CTHRC1: variants seen among roughly 807,000 people sequenced by gnomAD.
CTHRC1 encodes the protein collagen triple helix repeat-containing protein 1.
Under a neutral mutation model 25.9 loss-of-function variants are expected in CTHRC1, and 21 were observed. That is an observed-to-expected ratio of 0.81 (90% CI 0.57 to 1.17). The LOEUF is 1.17. CTHRC1 is among the 50% of genes most tolerant of loss of function. The probability of loss-of-function intolerance (pLI) is 0.00; values close to 1 mark genes in which losing one functional copy is unlikely to be tolerated. For missense variants in CTHRC1, 281 were observed against 304.3 expected (o/e 0.92, Z 0.57); for synonymous variants, 109 against 113.1 (o/e 0.96, Z 0.23).
intron 3 of CTHRC1, among the ~76,000 whole-genome samples, chr8:103,380,515 A>T (rs1815887921): frequency 6.6e-6 from 1 of 152,252 alleles, no homozygotes; most frequent in South Asian, 2.1e-4. Flanking sequence ...AAGCCTTGAT[A>T]TGCCCATGGG....
intron 3 of CTHRC1, 89 bp from the exon 4 acceptor site, chr8:103,382,369 C>A: frequency 7.3e-7 from 1 of 1,375,194 alleles, no homozygotes; most frequent in Non-Finnish European, 1.0e-6. Flanking sequence ...AACAGAATTA[C>A]AAACTAGCTT....
intron 1 of CTHRC1, among the ~76,000 whole-genome samples, 169 bp downstream of exon 1, chr8:103,371,975 G>A (rs963532837): frequency 6.6e-6 from 1 of 152,246 alleles, no homozygotes; most frequent in African/African-American, 2.4e-5. Context: ...AGGTGAAGAA[G>A]GACCTGGTTA....
rs146824354 is a variant in CTHRC1 at position 103,377,716 on chromosome 8, G to A, written c.373-311G>A. On this transcript the variant is annotated intron_variant, in intron 2 of 3. Coordinates refer to ENST00000330295, the MANE Select transcript of CTHRC1 (RefSeq NM_138455.4). ...CCTCTTGGGTTCAAGCGATTCTCAC[G>A]TCTCAGCCTCCCGAGTAACTGGGAT... Among the ~76,000 whole-genome samples, 746 of 152,270 alleles carry A rather than the reference G, an allele frequency of 4.9e-3. 8 individuals are homozygous for A. The highest frequency in any genetic ancestry group is 0.024 in the Middle Eastern group (7 of 294).
At position 103,382,506 on chromosome 8, in the gene CTHRC1, T is replaced by C; in HGVS notation, c.638T>C (p.Ile213Thr). 1 of 1,613,752 alleles carries C rather than the reference T, an allele frequency of 6.2e-7. No individual in the cohort carries two copies. Among genetic ancestry groups the C allele is most frequent in the Non-Finnish European group, 8.5e-7 (1 of 1,179,726 alleles). The change falls in exon 4 of 4, where the codon ATC becomes ACC. Residue 213 changes from isoleucine to threonine, a missense_variant. Ile to Thr is a moderately conservative substitution (Grantham distance 89). Coordinates refer to ENST00000330295, the MANE Select transcript of CTHRC1 (RefSeq NM_138455.4). The part of the protein sequence containing the change: ...GIGAGLVDVA[I>T]WVGTCSDYPK... ...GGTGCTGGATTAGTGGATGTTGCTA[T>C]CTGGGTTGGTACTTGTTCAGATTAC...
intron 2 of CTHRC1, among the ~76,000 whole-genome samples, chr8:103,377,804 A>C (rs1815831940): frequency 6.6e-6 from 1 of 152,128 alleles, no homozygotes; most frequent in African/African-American, 2.4e-5. Context: ...GGGTTTCGCC[A>C]TGTTGGCCAG....
At chr8:103,382,033 G>T (rs768578479) in intron 3 of CTHRC1, among the ~76,000 whole-genome samples, 5 of 151,856 alleles carry the variant, frequency 3.3e-5, no homozygotes, top group Non-Finnish European at 5.9e-5. Context: ...TACTTGTCTA[G>T]CATCACTTAT....
Position 103,371,715 on chromosome 8 carries a change from T to TGCTGCTGCA in CTHRC1, c.65_73dup (p.Leu22_Leu24dup). The TGCTGCTGCA allele has an allele frequency of 1.1e-5, 17 of 1,536,756 alleles. No individual in the cohort carries two copies. The highest frequency in any genetic ancestry group is 1.2e-5 in the Non-Finnish European group (14 of 1,142,196). ...CGGCTCCGCGGCCTCCTGCTGCTCC[T>TGCTGCTGCA]GCTGCTGCAGCTGCCCGCGCCGTCG... On this transcript the variant is annotated inframe_insertion, in exon 1 of 4. Coordinates refer to ENST00000330295, the MANE Select transcript of CTHRC1 (RefSeq NM_138455.4).
intron 3 of CTHRC1, among the ~76,000 whole-genome samples, chr8:103,381,388 TAC>T (rs1337308153): frequency 1.3e-5 from 2 of 151,970 alleles, no homozygotes; most frequent in African/African-American, 2.4e-5. Context: ...TCTGCCAACC[TAC>T]AGTTTCTTCT....
chr8:103,372,619 T>G (rs779328269), intron 1 of CTHRC1: 5 of 1,598,248 alleles, frequency 3.1e-6, no homozygotes, highest in East Asian at 2.2e-5. Flanking sequence ...AAACTGGAAA[T>G]GAACGGCCCG....
Position 103,382,709 on chromosome 8 carries a change from A to G in CTHRC1, c.*109A>G. On this transcript the variant is annotated 3_prime_UTR_variant, in exon 4 of 4. Coordinates refer to ENST00000330295, the MANE Select transcript of CTHRC1 (RefSeq NM_138455.4). ...ATACATCTGAATGAAAAGCAAAGCT[A>G]AATATGTTTACAGACCAAAGTGTGA... The G allele has an allele frequency of 1.0e-6, 1 of 992,084 alleles. No individual in the cohort carries two copies. Among genetic ancestry groups the G allele is most frequent in the African/African-American group, 1.6e-5 (1 of 62,944 alleles). 61.5% of individuals were successfully genotyped at this position (992,084 alleles called of 1,614,324 possible).
At chr8:103,380,790 A>G (rs1372359023) in intron 3 of CTHRC1, among the ~76,000 whole-genome samples, 1 of 152,156 alleles carries the variant, frequency 6.6e-6, no homozygotes, top group Non-Finnish European at 1.5e-5. Flanking sequence ...GGCTGTCAAG[A>G]CCCTGGGAAA....
intron 3 of CTHRC1, among the ~76,000 whole-genome samples, chr8:103,378,731 G>C (rs1815853163): frequency 6.6e-6 from 1 of 152,052 alleles, no homozygotes; most frequent in South Asian, 2.1e-4. Context: ...GTATCTCTTG[G>C]TAGGCTGGGC....
chr8:103,380,626 A>G (rs1487218243), intron 3 of CTHRC1, among the ~76,000 whole-genome samples: 2 of 152,236 alleles, frequency 1.3e-5, no homozygotes, highest in African/African-American at 4.8e-5. Flanking sequence ...CTATCATACT[A>G]CATTATCACA....
At chr8:103,372,130 G>C (rs1303254395) in intron 1 of CTHRC1, among the ~76,000 whole-genome samples, 2 of 152,262 alleles carry the variant, frequency 1.3e-5, no homozygotes, top group East Asian at 3.9e-4. Flanking sequence ...CCCTTGGGAA[G>C]GGTGGGAGGG....
At chr8:103,372,699 A>C in intron 1 of CTHRC1, 6 of 1,548,216 alleles carry the variant, frequency 3.9e-6, no homozygotes, top group Non-Finnish European at 4.4e-6. Flanking sequence ...AAATCAACAA[A>C]CCCAGTGGAG....
At position 103,371,687 on chromosome 8, in the gene CTHRC1, C is replaced by T; in HGVS notation, c.31C>T (p.Gln11Ter). 2 of 1,533,580 alleles carry T rather than the reference C, an allele frequency of 1.3e-6. No homozygotes were observed. The highest frequency in any genetic ancestry group is 1.8e-6 in the Non-Finnish European group (2 of 1,141,144). 95.0% of individuals were successfully genotyped at this position (1,533,580 alleles called of 1,614,324 possible). Reference protein sequence around the residue: MRPQGPAASPQRLRGLLLLLL... With the variant: MRPQGPAASP ...ACCCCAGGGCCCCGCCGCCTCCCCG[C>T]AGCGGCTCCGCGGCCTCCTGCTGCT... Residue 11 changes from glutamine (Q) to a stop codon, truncating the protein, a stop_gained, in exon 1 of 4, where the codon CAG becomes TAG. Coordinates refer to ENST00000330295, the MANE Select transcript of CTHRC1 (RefSeq NM_138455.4). LOFTEE classifies it high-confidence loss of function.
chr8:103,372,624 G>T, intron 1 of CTHRC1: 1 of 1,598,188 alleles, frequency 6.3e-7, no homozygotes. Context: ...GGAAATGAAC[G>T]GCCCGAGTGC....
chr8:103,376,652 T>A (rs761002670), intron 2 of CTHRC1, among the ~76,000 whole-genome samples: 10 of 152,352 alleles, frequency 6.6e-5, no homozygotes, highest in Non-Finnish European at 1.3e-4. Flanking sequence ...CTTTTCTCTG[T>A]TGATGAACTC....
At chr8:103,378,266 A>C in intron 3 of CTHRC1, 23 bp downstream of exon 3, 1 of 1,571,628 alleles carries the variant, frequency 6.4e-7, no homozygotes, top group Admixed American at 1.7e-5. Context: ...GTGACATTGC[A>C]AGATGTGCCT....
Sources: allele counts gnomAD v4.1 joint callset (sites outside exome capture counted in the v4.1 genomes callset), GRCh38; gene constraint gnomAD v4.1.1; transcripts MANE v1.5; gene names NCBI Gene and HGNC (gene_info 2026-07-23, HGNC 2026-07-21).